The following RIPOR2 variants were observed in gnomAD, a reference collection of about 807,000 sequenced individuals.
The protein encoded by RIPOR2 is RHO family interacting cell polarization regulator 2, also known as rho family-interacting cell polarization regulator 2.
A neutral mutation model predicts 114.5 loss-of-function variants in RIPOR2; 39 were observed. The ratio of observed to expected loss-of-function variants is 0.34; its 90% CI spans 0.26 to 0.44. The LOEUF (loss-of-function observed/expected upper bound fraction) is 0.44. Among genes scored for constraint, RIPOR2 ranks in the 20% least tolerant of loss-of-function variants. The pLI, the probability that RIPOR2 is intolerant of heterozygous loss-of-function variation, is 1.00. For synonymous variants in RIPOR2, 445 were observed against 484.4 expected (o/e 0.92, Z 1.07); for missense variants, 1,007 against 1,255.1 (o/e 0.80, Z 2.99).
At chr6:24,930,316 TA>T (rs1771284214) in intron 1 of RIPOR2, among the ~76,000 whole-genome samples, 2 of 152,246 alleles carry the variant, frequency 1.3e-5, no homozygotes, top group Non-Finnish European at 2.9e-5. Context: ...AGACATACTC[TA>T]GTATATCTTA....
chr6:24,951,029 T>C (rs1772723393), intron 1 of RIPOR2, among the ~76,000 whole-genome samples: 1 of 152,200 alleles, frequency 6.6e-6, no homozygotes, highest in Non-Finnish European at 1.5e-5. Context: ...TAGAAATCAA[T>C]GTTCCAGACA....
chr6:24,902,286 C>G (rs1389111938), intron 1 of RIPOR2, among the ~76,000 whole-genome samples: 2 of 151,530 alleles, frequency 1.3e-5, no homozygotes, highest in East Asian at 3.9e-4. Flanking sequence ...GCGATCTTGG[C>G]TCACTGCAAC....
intron 1 of RIPOR2, chr6:25,015,980 T>G (rs1775972714): frequency 7.1e-6 from 1 of 141,006 alleles, no homozygotes; most frequent in Non-Finnish European, 1.5e-5. Flanking sequence ...CTCGGCTCAC[T>G]GCAACCTCCA....
At chr6:24,851,264 G>A (rs1762875141) in intron 9 of RIPOR2, among the ~76,000 whole-genome samples, 1 of 152,116 alleles carries the variant, frequency 6.6e-6, no homozygotes, top group African/African-American at 2.4e-5. Context: ...TGTAGTAAAA[G>A]GTCATTGCAC....
At chr6:24,974,590 T>C (rs1773948778) in intron 1 of RIPOR2, among the ~76,000 whole-genome samples, 1 of 152,214 alleles carries the variant, frequency 6.6e-6, no homozygotes, top group Non-Finnish European at 1.5e-5. Context: ...GCAGTAGCTT[T>C]GGAAAGGAGC....
At chr6:25,029,145 G>A (rs768739712) in intron 1 of RIPOR2, among the ~76,000 whole-genome samples, 7 of 152,044 alleles carry the variant, frequency 4.6e-5, no homozygotes, top group Non-Finnish European at 8.8e-5. Context: ...AAAATTAGCC[G>A]GGCATGGTGG....
At chr6:25,004,993 AC>A (rs1775489765) in intron 1 of RIPOR2, among the ~76,000 whole-genome samples, 1 of 1,886 alleles carries the variant, frequency 5.3e-4, no homozygotes, top group Admixed American at 0.015. Context: ...GGCTACACAC[AC>A]ACACACACAC....
intron 1 of RIPOR2, among the ~76,000 whole-genome samples, chr6:24,997,836 A>C (rs535782571): frequency 2.0e-5 from 3 of 152,324 alleles, no homozygotes; most frequent in Admixed American, 2.0e-4. Context: ...GCCCGTGAGC[A>C]GCATCAGCAT....
chr6:24,999,268 T>C lies in RIPOR2; in HGVS notation c.76+42583A>G, dbSNP rs142267763. Among the ~76,000 whole-genome samples, 13 of 152,332 alleles carry C rather than the reference T, an allele frequency of 8.5e-5. No individual in the cohort carries two copies. In the East Asian group the frequency reaches 2.5e-3, roughly 29 times the overall value. On this transcript the variant is annotated intron_variant, in intron 1 of 13. Coordinates refer to the RIPOR2 transcript ENST00000510784. ...TACTTAGGTTTCACCTAGGACCTTA[T>C]TATATGCTCATTAACATACAAATCA... is the stretch of plus-strand genomic sequence containing the variant.
chr6:24,918,160 C>T (rs1770223759), intron 1 of RIPOR2, among the ~76,000 whole-genome samples: 1 of 152,204 alleles, frequency 6.6e-6, no homozygotes, highest in Non-Finnish European at 1.5e-5. Context: ...TTCCCTGGCT[C>T]CTCCCTATGA....
At chr6:24,886,665 C>T (rs13215106) in intron 1 of RIPOR2, among the ~76,000 whole-genome samples, 19,420 of 152,242 alleles carry the variant, frequency 0.13, 1,815 homozygotes, top group African/African-American at 0.26. Context: ...ACGTAAGTGA[C>T]ATTGTCCTTC....
At chr6:24,966,111 G>T (rs759694953) in intron 1 of RIPOR2, among the ~76,000 whole-genome samples, 1 of 152,138 alleles carries the variant, frequency 6.6e-6, no homozygotes, top group Non-Finnish European at 1.5e-5. Context: ...TTTGGCTCTG[G>T]TACAATTTCT....
intron 20 of RIPOR2, among the ~76,000 whole-genome samples, chr6:24,818,251 C>T (rs1759347794): frequency 6.6e-6 from 1 of 152,156 alleles, no homozygotes; most frequent in South Asian, 2.1e-4. Context: ...GCATGAGCCA[C>T]TGTGCCGGCT....
intron 1 of RIPOR2, among the ~76,000 whole-genome samples, chr6:24,913,646 T>C (rs1769841156): frequency 6.6e-6 from 1 of 152,190 alleles, no homozygotes; most frequent in Admixed American, 6.5e-5. Flanking sequence ...GAGCTTAGTC[T>C]AAAGGTCTTC....
At position 24,843,197 on chromosome 6, in the gene RIPOR2, C is replaced by G. The variant is rs1304622009; in HGVS notation, c.1522G>C (p.Glu508Gln). 8 of 1,613,880 alleles carry G rather than the reference C, an allele frequency of 5.0e-6. No homozygotes were observed. The highest frequency in any genetic ancestry group is 1.3e-5 in the African/African-American group (1 of 74,940). The change falls in exon 13 of 22, where the codon GAG becomes CAG. Residue 508 changes from glutamate to glutamine, a missense_variant. Glu to Gln is a conservative substitution (Grantham distance 29, BLOSUM62 2). Coordinates refer to ENST00000643898, the MANE Select transcript of RIPOR2 (RefSeq NM_001286445.3). ...ACATCATTCTCAAGGAACAGGTGCTCAGCCCCAGCACCTGAGGACTGTCGG... is the reference window on the plus strand; with the variant it reads ...ACATCATTCTCAAGGAACAGGTGCTGAGCCCCAGCACCTGAGGACTGTCGG... ...CRRQSSGAGA[E>Q]HLFLENDVAE... is the part of the protein sequence containing the mutation.
chr6:24,953,361 A>T (rs1169511719), intron 1 of RIPOR2, among the ~76,000 whole-genome samples: 1 of 152,112 alleles, frequency 6.6e-6, no homozygotes, highest in Non-Finnish European at 1.5e-5. Flanking sequence ...GGTTAAATGA[A>T]ATCATAAGTG....
At chr6:24,995,833 G>A (rs1311014177) in intron 1 of RIPOR2, among the ~76,000 whole-genome samples, 10 of 133,034 alleles carry the variant, frequency 7.5e-5, no homozygotes, top group Admixed American at 5.1e-4. Flanking sequence ...ATGGAATCTC[G>A]CTCTGTCGCC....
chr6:24,957,583 GAGA>G (rs1773091572), intron 1 of RIPOR2, among the ~76,000 whole-genome samples: 1 of 152,172 alleles, frequency 6.6e-6, no homozygotes. Context: ...CCTAAAGAAT[GAGA>G]AGGAGGGTCG....
At chr6:24,847,834 G>A (rs1562255852) in intron 12 of RIPOR2, 191 bp downstream of exon 12, 1 of 1,166,588 alleles carries the variant, frequency 8.6e-7, no homozygotes, top group Admixed American at 2.7e-5. Flanking sequence ...CTTAGAGAAT[G>A]TTCAGAAAAA....
Sources: allele counts gnomAD v4.1 joint callset (sites outside exome capture counted in the v4.1 genomes callset), GRCh38; gene constraint gnomAD v4.1.1; transcripts MANE v1.5; gene names NCBI Gene and HGNC (gene_info 2026-07-23, HGNC 2026-07-21).